SHCBP1L: variants seen among roughly 807,000 people sequenced by gnomAD.
The protein encoded by SHCBP1L is testicular spindle-associated protein SHCBP1L.
Under a neutral mutation model 62.5 loss-of-function variants are expected in SHCBP1L, and 67 were observed. That is an observed-to-expected ratio of 1.07 (90% CI 0.88 to 1.31). SHCBP1L has a LOEUF of 1.31. SHCBP1L is among the 40% of genes most tolerant of loss of function. The pLI is 0.00. For missense variants in SHCBP1L, 823 were observed against 809.8 expected, an observed-to-expected ratio of 1.02 and a Z score of -0.20; for synonymous variants, 284 against 289.4, an observed-to-expected ratio of 0.98 and a Z score of 0.19.
chr1:182,911,283 A>T (rs576188592), intron 6 of SHCBP1L, among the ~76,000 whole-genome samples: 1 of 152,346 alleles, frequency 6.6e-6, no homozygotes, highest in Admixed American at 6.5e-5. Context: ...CAAGTGCCAC[A>T]AAGAAAAGGA....
chr1:182,936,897 T>C (rs1215681205), intron 5 of SHCBP1L, among the ~76,000 whole-genome samples: 1 of 151,196 alleles, frequency 6.6e-6, no homozygotes, highest in African/African-American at 2.4e-5. Flanking sequence ...AAAATAAAAA[T>C]AAAAAAATTA....
At position 182,953,155 on chromosome 1, in the gene SHCBP1L, G is replaced by A. The variant is rs748132309; in HGVS notation, c.-22C>T. On this transcript the variant is annotated 5_prime_UTR_variant, in exon 1 of 10. Transcript: ENST00000367547. The stretch of plus-strand genomic sequence containing the variant: ...CCATCTCCTCAGCAGCCCGAGGGCC[G>A]AGGCAGCCGTTGGCCACTTTTCCCG... 1.6e-5 allele frequency: 25 copies of A among 1,571,942 alleles called. No individual in the cohort carries two copies. Among genetic ancestry groups the A allele is most frequent in the East Asian group, 2.3e-5 (1 of 43,448 alleles).
chr1:182,932,021 A>G (rs1170753994), intron 5 of SHCBP1L, among the ~76,000 whole-genome samples: 3 of 135,218 alleles, frequency 2.2e-5, no homozygotes, highest in African/African-American at 8.7e-5. Context: ...AGTTGGAGTC[A>G]TACAGTATGT....
At chr1:182,943,499 T>C (rs369657616) in intron 2 of SHCBP1L, among the ~76,000 whole-genome samples, 5 of 150,590 alleles carry the variant, frequency 3.3e-5, no homozygotes, top group African/African-American at 1.2e-4. Flanking sequence ...CCAGCTGGAG[T>C]GCAGCGGTGC....
At chr1:182,902,248 T>C (rs1649868760) in intron 9 of SHCBP1L, among the ~76,000 whole-genome samples, 1 of 151,970 alleles carries the variant, frequency 6.6e-6, no homozygotes, top group African/African-American at 2.4e-5. Context: ...AGATGGGGTT[T>C]CACCATGTTA....
At chr1:182,916,334 A>T (rs1650354916) in intron 6 of SHCBP1L, among the ~76,000 whole-genome samples, 1 of 152,056 alleles carries the variant, frequency 6.6e-6, no homozygotes, top group South Asian at 2.1e-4. Context: ...AGCAAATTAA[A>T]CCCAAAGCCA....
chr1:182,918,718 C>T (rs1311586793), intron 6 of SHCBP1L, among the ~76,000 whole-genome samples: 4 of 151,890 alleles, frequency 2.6e-5, no homozygotes, highest in African/African-American at 9.7e-5. Flanking sequence ...TGAAAAAGAA[C>T]AAAGTGGAGG....
At chr1:182,915,761 G>C (rs1302389070) in intron 6 of SHCBP1L, among the ~76,000 whole-genome samples, 2 of 148,664 alleles carry the variant, frequency 1.3e-5, no homozygotes, top group East Asian at 3.9e-4. Flanking sequence ...ATTATGGAAA[G>C]AAAACTGAAA....
At chr1:182,901,881 A>G (rs1386649880) in intron 9 of SHCBP1L, among the ~76,000 whole-genome samples, 1 of 152,184 alleles carries the variant, frequency 6.6e-6, no homozygotes, top group Non-Finnish European at 1.5e-5. Context: ...CCCTAGGCCT[A>G]CTGAATCAGA....
intron 5 of SHCBP1L, among the ~76,000 whole-genome samples, chr1:182,936,165 T>C (rs562200420): frequency 6.7e-6 from 1 of 148,642 alleles, no homozygotes; most frequent in Non-Finnish European, 1.5e-5. Context: ...AGACAGAGTC[T>C]TATTCTGTCA....
rs140209631 is a variant in SHCBP1L, at chr1:182,901,120, T to C, written c.1711-886A>G. On this transcript the variant is annotated intron_variant, in intron 9 of 9. Coordinates refer to ENST00000367547, the MANE Select transcript of SHCBP1L (RefSeq NM_030933.4). ...AGTGTTCTTTACATTAAAGGCTTCT[T>C]TGAAGAGGGACAACCACATTCAGAT... Among the ~76,000 whole-genome samples the C allele has an allele frequency of 5.8e-3, 886 of 152,240 alleles. 11 individuals are homozygous for C. The highest frequency in any genetic ancestry group is 0.019 in the African/African-American group (787 of 41,532).
intron 2 of SHCBP1L, among the ~76,000 whole-genome samples, chr1:182,947,266 G>C (rs905290882): frequency 6.1e-5 from 9 of 147,806 alleles, no homozygotes; most frequent in African/African-American, 2.3e-4. Flanking sequence ...AAATCACAAT[G>C]ATCACCTTAA....
intron 2 of SHCBP1L, among the ~76,000 whole-genome samples, chr1:182,946,132 TC>T (rs970609164): frequency 1.3e-5 from 2 of 151,982 alleles, no homozygotes; most frequent in Non-Finnish European, 2.9e-5. Context: ...TATAAACCTA[TC>T]TTTTTCCTCT....
At chr1:182,932,881 ATGTTAT>A (rs1393678883) in intron 5 of SHCBP1L, among the ~76,000 whole-genome samples, 1 of 151,926 alleles carries the variant, frequency 6.6e-6, no homozygotes, top group Non-Finnish European at 1.5e-5. Context: ...AGATCCATCC[ATGTTAT>A]TGTTATTGTG....
At position 182,915,161 on chromosome 1, in the gene SHCBP1L, C is replaced by CAA. The variant is rs371432299; in HGVS notation, c.1183-9514_1183-9513dup. On this transcript the variant is annotated intron_variant, in intron 6 of 9. Transcript: ENST00000367547. ...TGGGCAACAGAGGCAGACTCTGTCT[C>CAA]AAAAAAAAAAAAAAAAAAAAAAAAA... 7.9e-3 allele frequency among the ~76,000 whole-genome samples: 253 copies of CAA among 31,860 alleles called. 65 individuals are homozygous for CAA. The highest frequency in any genetic ancestry group is 0.012 in the South Asian group (4 of 322). The allele number at this position is 31,860 out of a possible 152,430, so 20.9% of individuals were successfully genotyped here. A position where few individuals can be genotyped will look rare whatever the true frequency, so the allele number is the denominator to read the frequency against.
chr1:182,927,117 C>A (rs1650788072), intron 6 of SHCBP1L, among the ~76,000 whole-genome samples: 1 of 118,982 alleles, frequency 8.4e-6, no homozygotes, highest in Admixed American at 9.1e-5. Flanking sequence ...TATATATACT[C>A]TCTCTCTCTC....
At chr1:182,952,178 A>T (rs1651773524) in intron 1 of SHCBP1L, among the ~76,000 whole-genome samples, 1 of 44,448 alleles carries the variant, frequency 2.2e-5, no homozygotes, top group African/African-American at 9.8e-5. Flanking sequence ...AAAAAAAAAA[A>T]AAAAAAAAAA....
In SHCBP1L at chr1:182,953,055, C is replaced by A; in HGVS notation, c.79G>T (p.Ala27Ser). The A allele has an allele frequency of 6.5e-7, 1 of 1,546,628 alleles. No homozygotes were observed. The highest frequency in any genetic ancestry group is 8.7e-7 in the Non-Finnish European group (1 of 1,151,870). ...GCCGTGTCCCCGGAGACAGCGGAGG[C>A]GGACTTCTCGCCTCGCCTGTCCGGG... ...ISPDRRGEKSASAVSGDTAAA... is the reference protein window; with the variant it reads ...ISPDRRGEKSSSAVSGDTAAA... The change falls in exon 1 of 10, where the codon GCC (alanine) becomes TCC (serine). Residue 27 changes from alanine (A) to serine (S), a missense_variant. Ala to Ser is a moderately conservative substitution (Grantham distance 99). Coordinates refer to ENST00000367547, the MANE Select transcript of SHCBP1L (RefSeq NM_030933.4).
rs1277667778 is a variant in SHCBP1L at position 182,940,625 on chromosome 1, A to G, written c.556-82T>C. ...GGATTTCTTTCTCATATATGAGCTC[A>G]TTATAAAGTTTCTTCTTTTAAATTT... is the stretch of plus-strand genomic sequence containing the variant. On this transcript the variant is annotated intron_variant, in intron 2 of 9. Transcript: ENST00000367547. The G allele has an allele frequency of 2.7e-6, 3 of 1,129,644 alleles. No homozygotes were observed. In the African/African-American group the frequency reaches 4.7e-5, roughly 18 times the overall value. The allele number at this position is 1,129,644 out of a possible 1,614,324, so 70.0% of individuals were successfully genotyped here.
Sources: gnomAD v4.1 joint callset for allele counts (sites outside exome capture counted in the v4.1 genomes callset) on GRCh38, gnomAD v4.1.1 for gene constraint, MANE v1.5 for transcripts, NCBI Gene and HGNC (gene_info 2026-07-23, HGNC 2026-07-21) for gene names.